SGIP1: variants seen among roughly 807,000 people sequenced by gnomAD.
SGIP1 encodes SH3-containing GRB2-like protein 3-interacting protein 1.
SGIP1 carries 38 observed loss-of-function variants against 107.5 expected under a neutral mutation model. That is an observed-to-expected ratio of 0.35 (90% CI 0.27 to 0.46). The LOEUF (loss-of-function observed/expected upper bound fraction) is 0.46, where lower values mean the gene tolerates loss of function less well. SGIP1 is among the 20% of genes least tolerant of loss of function. The pLI, the probability that SGIP1 is intolerant of heterozygous loss-of-function variation, is 1.00. For synonymous variants in SGIP1, 365 were observed against 366.1 expected (o/e 1.00, Z 0.03); for missense variants, 929 against 1,019.5 (o/e 0.91, Z 1.21).
chr1:66,716,396 T>C (rs781448110), intron 18 of SGIP1, among the ~76,000 whole-genome samples: 1 of 152,194 alleles, frequency 6.6e-6, no homozygotes, highest in Non-Finnish European at 1.5e-5. Context: ...TTAAAAAATA[T>C]TATGATGATG....
At chr1:66,716,871 G>T (rs896537579) in intron 18 of SGIP1, among the ~76,000 whole-genome samples, 1 of 151,946 alleles carries the variant, frequency 6.6e-6, no homozygotes, top group Non-Finnish European at 1.5e-5. Context: ...AGCCTCATTT[G>T]CTTCCACATG....
intron 1 of SGIP1, among the ~76,000 whole-genome samples, chr1:66,588,027 G>T (rs949180724): frequency 6.6e-6 from 1 of 151,996 alleles, no homozygotes. Context: ...AATCATGGGG[G>T]TATTACTTGA....
intron 1 of SGIP1, among the ~76,000 whole-genome samples, chr1:66,596,598 A>C (rs2064762035): frequency 6.6e-6 from 1 of 151,650 alleles, no homozygotes. Flanking sequence ...CCAAGGATTT[A>C]ACTTTCAGGC....
At chr1:66,642,576 T>C (rs1398607448) in intron 5 of SGIP1, among the ~76,000 whole-genome samples, 1 of 152,216 alleles carries the variant, frequency 6.6e-6, no homozygotes, top group East Asian at 1.9e-4. Flanking sequence ...GCTTGAATGC[T>C]TTCTTTCATT....
At chr1:66,637,093 A>G (rs1341360443) in intron 4 of SGIP1, among the ~76,000 whole-genome samples, 1 of 152,160 alleles carries the variant, frequency 6.6e-6, no homozygotes, top group Non-Finnish European at 1.5e-5. Context: ...CAATTCCAAG[A>G]GAAAAATCGT....
rs2066485767 is a variant in SGIP1 at position 66,604,665 on chromosome 1, A to C, written c.11-21182A>C. Among the ~76,000 whole-genome samples the C allele has an allele frequency of 2.0e-5, 3 of 152,222 alleles. No homozygotes were observed. The South Asian group carries it at 6.2e-4, about 32-fold the overall frequency. On this transcript the variant is annotated intron_variant, in intron 1 of 24. Transcript: ENST00000371037. ...GTTGGGATGATGAAGTATGTGATGTAATGAATATCCAATTCACAAACTATC... is the reference window on the plus strand; with the variant it reads ...GTTGGGATGATGAAGTATGTGATGTCATGAATATCCAATTCACAAACTATC...
intron 1 of SGIP1, among the ~76,000 whole-genome samples, chr1:66,624,686 G>A (rs1028913663): frequency 3.9e-5 from 6 of 152,124 alleles, no homozygotes; most frequent in African/African-American, 1.4e-4. Flanking sequence ...TGTTCCACCT[G>A]GTAGTACCAA....
At chr1:66,538,746 A>G (rs1484652853) in intron 1 of SGIP1, among the ~76,000 whole-genome samples, 1 of 152,212 alleles carries the variant, frequency 6.6e-6, no homozygotes, top group Admixed American at 6.5e-5. Flanking sequence ...TCTAGCTAAC[A>G]TGCAAATATT....
At position 66,741,420 on chromosome 1, in the gene SGIP1, G is replaced by A; in HGVS notation, c.2448G>A (p.Lys816=). 3 of 1,581,338 alleles carry A rather than the reference G, an allele frequency of 1.9e-6. No individual in the cohort carries two copies. Among genetic ancestry groups the A allele is most frequent in the Non-Finnish European group, 2.6e-6 (3 of 1,165,996 alleles). Residue 816 remains lysine, a synonymous_variant, in exon 24 of 25, where the codon AAG becomes AAA. Coordinates refer to ENST00000371037, the MANE Select transcript of SGIP1 (RefSeq NM_032291.4). The stretch of plus-strand genomic sequence containing the variant: ...CAGGGTATCGATTTTCACTCATCAA[G>A]AAAAGGTTTGCTGCAGGTAAATGAG... ...VGAGYRFSLI[K]KRFAAGKYLA... is the part of the protein sequence containing the mutation.
chr1:66,622,833 C>T (rs1339931657), intron 1 of SGIP1, among the ~76,000 whole-genome samples: 2 of 152,154 alleles, frequency 1.3e-5, no homozygotes, highest in Non-Finnish European at 2.9e-5. Flanking sequence ...TTAGTTTTTG[C>T]CCTCCCATTT....
intron 1 of SGIP1, among the ~76,000 whole-genome samples, chr1:66,623,924 T>C (rs1454616957): frequency 6.6e-6 from 1 of 152,222 alleles, no homozygotes; most frequent in Non-Finnish European, 1.5e-5. Context: ...TCATGTTGGC[T>C]ATTGTCCAAA....
intron 1 of SGIP1, among the ~76,000 whole-genome samples, chr1:66,580,509 A>G (rs975708188): frequency 6.6e-6 from 1 of 152,038 alleles, no homozygotes; most frequent in African/African-American, 2.4e-5. Context: ...CCTATTCGTA[A>G]TACTTCTCTC....
At chr1:66,719,883 C>A (rs759918773) in intron 19 of SGIP1, among the ~76,000 whole-genome samples, 1 of 152,050 alleles carries the variant, frequency 6.6e-6, no homozygotes, top group Non-Finnish European at 1.5e-5. Flanking sequence ...CACGAAGTAG[C>A]AAGGGAACAA....
intron 18 of SGIP1, among the ~76,000 whole-genome samples, chr1:66,701,832 G>GCAAAGTGTCC (rs1458958321): frequency 4.6e-5 from 7 of 152,152 alleles, no homozygotes; most frequent in African/African-American, 1.7e-4. Context: ...CCTGTTTCTG[G>GCAAAGTGTCC]CCTGAGGTCT....
intron 1 of SGIP1, among the ~76,000 whole-genome samples, chr1:66,561,260 T>C (rs865881948): frequency 2.0e-5 from 3 of 152,152 alleles, no homozygotes; most frequent in South Asian, 2.1e-4. Context: ...CTTTGTTTGG[T>C]AGTGGCATTA....
At chr1:66,642,961 T>C in intron 6 of SGIP1, 97 bp downstream of exon 6, 1 of 1,053,382 alleles carries the variant, frequency 9.5e-7, no homozygotes, top group Non-Finnish European at 1.4e-6. Context: ...TAACCGAATC[T>C]TCACAAGTCC....
Position 66,740,652 on chromosome 1 carries a change from T to A in SGIP1, c.2235-6T>A. 6.3e-7 allele frequency: 1 copy of A among 1,594,404 alleles called. No individual in the cohort carries two copies. The highest frequency in any genetic ancestry group is 8.6e-7 in the Non-Finnish European group (1 of 1,166,890). ...TGCAAAAACCTTTTACCTAATTTAT[T>A]TTTAGGAATGCTGAACAACAGAGAA... is the stretch of plus-strand genomic sequence containing the variant. On this transcript the variant is annotated splice_region_variant and splice_polypyrimidine_tract_variant and intron_variant, in intron 22 of 24. Coordinates refer to ENST00000371037, the MANE Select transcript of SGIP1 (RefSeq NM_032291.4).
chr1:66,707,863 C>A (rs527492720), intron 18 of SGIP1, among the ~76,000 whole-genome samples: 2 of 152,112 alleles, frequency 1.3e-5, no homozygotes, highest in African/African-American at 4.8e-5. Context: ...TAATTGCTCC[C>A]CAAGTCGAAT....
At chr1:66,658,709 T>C (rs2080275342) in intron 7 of SGIP1, among the ~76,000 whole-genome samples, 1 of 152,110 alleles carries the variant, frequency 6.6e-6, no homozygotes, top group South Asian at 2.1e-4. Flanking sequence ...CAGAACAAAA[T>C]AAAAATTGCA....
Sources: gnomAD v4.1 joint callset for allele counts (sites outside exome capture counted in the v4.1 genomes callset) on GRCh38, gnomAD v4.1.1 for gene constraint, MANE v1.5 for transcripts, NCBI Gene and HGNC (gene_info 2026-07-23, HGNC 2026-07-21) for gene names.